The following PNPLA1 variants were observed in gnomAD, a reference collection of about 807,000 sequenced individuals.
PNPLA1 encodes patatin like domain 1, omega-hydroxyceramide transacylase.
A neutral mutation model predicts 51.7 loss-of-function variants in PNPLA1; 36 were observed. The ratio of observed to expected loss-of-function variants is 0.70; its 90% CI spans 0.53 to 0.92. The LOEUF is 0.92. Among genes scored for constraint, PNPLA1 ranks in the 40% least tolerant of loss-of-function variants. The probability of loss-of-function intolerance (pLI) is 0.00; values close to 1 mark genes in which losing one functional copy is unlikely to be tolerated. For synonymous variants in PNPLA1, 293 were observed against 280.1 expected (o/e 1.05, Z -0.46); for missense variants, 658 against 682.5 (o/e 0.96, Z 0.40).
intron 5 of PNPLA1, among the ~76,000 whole-genome samples, chr6:36,297,920 T>G (rs531112008): frequency 6.6e-6 from 1 of 151,568 alleles, no homozygotes; most frequent in Non-Finnish European, 1.5e-5. Flanking sequence ...ATTAAGTTAG[T>G]GAATAATTCG....
chr6:36,288,705 G>A (rs891778786), intron 1 of PNPLA1, among the ~76,000 whole-genome samples: 16 of 151,766 alleles, frequency 1.1e-4, no homozygotes, highest in Admixed American at 6.6e-5. Context: ...TGATCCACCC[G>A]CCTCGGCCTC....
intron 1 of PNPLA1, among the ~76,000 whole-genome samples, chr6:36,291,081 G>A (rs1770660938): frequency 6.6e-6 from 1 of 152,196 alleles, no homozygotes; most frequent in Admixed American, 6.5e-5. Context: ...GGATGCCTGG[G>A]TCCAGCTCCA....
At chr6:36,254,215 C>T (rs1769481358) in intron 1 of PNPLA1, among the ~76,000 whole-genome samples, 1 of 152,168 alleles carries the variant, frequency 6.6e-6, no homozygotes, top group African/African-American at 2.4e-5. Flanking sequence ...TCTTTTCTGA[C>T]TAATCATGAA....
At chr6:36,288,374 G>A (rs989965637) in intron 1 of PNPLA1, among the ~76,000 whole-genome samples, 4 of 151,984 alleles carry the variant, frequency 2.6e-5, no homozygotes, top group African/African-American at 9.7e-5. Context: ...AGCACTTTGG[G>A]AGACCAAAGT....
At chr6:36,285,672 C>A (rs548274694) in intron 1 of PNPLA1, among the ~76,000 whole-genome samples, 49 of 152,244 alleles carry the variant, frequency 3.2e-4, no homozygotes, top group African/African-American at 8.9e-4. Flanking sequence ...AAGTGCCCAC[C>A]GTATTCCAGG....
At chr6:36,292,529 C>T (rs532833019) in intron 2 of PNPLA1, among the ~76,000 whole-genome samples, 1 of 152,298 alleles carries the variant, frequency 6.6e-6, no homozygotes, top group South Asian at 2.1e-4. Flanking sequence ...ACTGCTTTGC[C>T]TGCTGCTGAA....
intron 1 of PNPLA1, 106 bp from the exon 2 acceptor site, chr6:36,291,214 C>T (rs1446805294): frequency 1.3e-6 from 1 of 796,426 alleles, no homozygotes; most frequent in Non-Finnish European, 2.0e-6. Context: ...CTAGGTTTCC[C>T]CATTTGTTGG....
At chr6:36,246,944 C>T (rs565081917) in intron 1 of PNPLA1, among the ~76,000 whole-genome samples, 2 of 152,362 alleles carry the variant, frequency 1.3e-5, no homozygotes, top group East Asian at 1.9e-4. Flanking sequence ...TCCCCGCGCT[C>T]ACTGCTGTCA....
At position 36,291,529 on chromosome 6, in the gene PNPLA1, A is replaced by G. The variant is rs867205464; in HGVS notation, c.415A>G (p.Thr139Ala). The G allele has an allele frequency of 3.7e-6, 5 of 1,350,474 alleles. No homozygotes were observed. The highest frequency in any genetic ancestry group is 3.2e-5 in the African/African-American group (2 of 62,218). 83.7% of individuals were successfully genotyped at this position (1,350,474 alleles called of 1,614,324 possible). The change falls in exon 2 of 9, where the codon ACG (threonine) becomes GCG (alanine). Residue 139 changes from threonine (T) to alanine (A), a missense_variant. Transcript: ENST00000636260. ...DGENVVVSEF[T>A]SKEELIEALY... ...GGAGAATGTGGTGGTTTCAGAGTTC[A>G]CGTCCAAGGAGGAGCTCATTGAGGC...
chr6:36,306,236 T>A, intron 6 of PNPLA1, 56 bp from the exon 7 acceptor site: 1 of 1,312,136 alleles, frequency 7.6e-7, no homozygotes, highest in Non-Finnish European at 1.1e-6. Context: ...ATTTCAAAAA[T>A]GACTCCATAT....
intron 8 of PNPLA1, among the ~76,000 whole-genome samples, chr6:36,308,971 C>T (rs1263846926): frequency 2.0e-5 from 3 of 152,232 alleles, no homozygotes; most frequent in Admixed American, 2.0e-4. Flanking sequence ...TGGAACAGAC[C>T]TGCACTGCTA....
At chr6:36,304,649 AAAG>A (rs1397092680) in intron 6 of PNPLA1, among the ~76,000 whole-genome samples, 1 of 151,718 alleles carries the variant, frequency 6.6e-6, no homozygotes, top group Non-Finnish European at 1.5e-5. Context: ...AAAAAAAAAA[AAAG>A]TCAGAAAATT....
At position 36,294,125 on chromosome 6, in the gene PNPLA1, G is replaced by A. The variant is rs749549375; in HGVS notation, c.505-65G>A. On this transcript the variant is annotated intron_variant, in intron 3 of 8. Transcript: ENST00000636260. This position sits in a 1 kb window ranked among gnomAD's most constrained non-coding sequence, Gnocchi z 4.2. ...GGTGCCATATCCCATGGGCCATTTC[G>A]ATGTACCCCGAGTGGGGCTGAGAAC... The A allele has an allele frequency of 8.2e-6, 13 of 1,577,656 alleles. No homozygotes were observed. Among genetic ancestry groups the A allele is most frequent in the South Asian group, 3.4e-5 (3 of 87,240 alleles).
At chr6:36,272,065 A>T (rs1769933280) in intron 1 of PNPLA1, among the ~76,000 whole-genome samples, 1 of 152,120 alleles carries the variant, frequency 6.6e-6, no homozygotes, top group Admixed American at 6.6e-5. Flanking sequence ...TTGGTGGGGG[A>T]TGGTTTCAGA....
At chr6:36,264,657 C>G (rs1769723303) in intron 1 of PNPLA1, among the ~76,000 whole-genome samples, 1 of 152,084 alleles carries the variant, frequency 6.6e-6, no homozygotes, top group Non-Finnish European at 1.5e-5. Flanking sequence ...GCTTTAAAAC[C>G]AGGGAAATAG....
chr6:36,287,288 A>G (rs1204698577), intron 1 of PNPLA1, among the ~76,000 whole-genome samples: 1 of 151,982 alleles, frequency 6.6e-6, no homozygotes, highest in Non-Finnish European at 1.5e-5. Context: ...GGAGCTTCCT[A>G]TGGGCAAAGC....
chr6:36,246,085 G>C (rs1053761924), intron 1 of PNPLA1, among the ~76,000 whole-genome samples: 1 of 152,172 alleles, frequency 6.6e-6, no homozygotes, highest in Non-Finnish European at 1.5e-5. Context: ...GCAGGTCTCT[G>C]TGCACATACA....
At chr6:36,303,923 C>T (rs1003735908) in intron 6 of PNPLA1, among the ~76,000 whole-genome samples, 12 of 152,180 alleles carry the variant, frequency 7.9e-5, no homozygotes, top group Admixed American at 3.9e-4. Context: ...GACCACTTAT[C>T]TCTGGGGCAG....
intron 1 of PNPLA1, among the ~76,000 whole-genome samples, chr6:36,262,023 A>G (rs1477860944): frequency 2.0e-5 from 3 of 152,162 alleles, no homozygotes; most frequent in Non-Finnish European, 4.4e-5. Flanking sequence ...TCTGGGGAGA[A>G]TCGCCTGCCA....
Sources: gnomAD v4.1 joint callset for allele counts (sites outside exome capture counted in the v4.1 genomes callset) on GRCh38, gnomAD v4.1.1 for gene constraint, Gnocchi (gnomAD v3.1) non-coding constraint, MANE v1.5 for transcripts, NCBI Gene and HGNC (gene_info 2026-07-23, HGNC 2026-07-21) for gene names.